Variants in MYH7B observed in about 807,000 individuals in gnomAD.
MYH7B encodes the protein myosin-7B.
In MYH7B, 205 loss-of-function variants were observed where a neutral mutation model predicts 234.5. The observed-to-expected ratio is 0.87, with a 90% confidence interval of 0.78 to 0.98. The LOEUF (loss-of-function observed/expected upper bound fraction) is 0.98, where lower values mean the gene tolerates loss of function less well. Among genes scored for constraint, MYH7B ranks in the 50% least tolerant of loss-of-function variants. The probability of loss-of-function intolerance (pLI) is 0.00; values close to 1 mark genes in which losing one functional copy is unlikely to be tolerated. For synonymous variants in MYH7B, 1,193 were observed against 1,105.0 expected (o/e 1.08, Z -1.58); for missense variants, 2,652 against 2,633.4 (o/e 1.01, Z -0.15).
chr20:34,996,467 A>G (rs1450422686), exon 29 of MYH7B: 1 of 1,612,944 alleles, frequency 6.2e-7, no homozygotes, highest in Non-Finnish European at 8.5e-7. Flanking sequence ...GCCGAGGAGG[A>G]CCGTGTGAGC....
chr20:34,999,324 G>A (rs1180887752), exon 36 of MYH7B: 4 of 1,571,264 alleles, frequency 2.5e-6, no homozygotes, highest in Admixed American at 1.9e-5. Context: ...CCTGGGCACC[G>A]AGCTCTTCCG....
At chr20:35,001,746 G>A (rs1301962996) in intron 43 of MYH7B, among the ~76,000 whole-genome samples, 1 of 152,164 alleles carries the variant, frequency 6.6e-6, no homozygotes, top group African/African-American at 2.4e-5. Context: ...GCCTCTGAGG[G>A]GTGGGGCAGG....
chr20:34,958,110 C>T (rs2081658910), exon 2 of MYH7B, among the ~76,000 whole-genome samples: 1 of 152,182 alleles, frequency 6.6e-6, no homozygotes, highest in South Asian at 2.1e-4. Flanking sequence ...TCCCCTCTTC[C>T]AAGACGGGTG....
intron 38 of MYH7B, 79 bp from the exon 39 acceptor site, chr20:35,000,214 G>A (rs1569065323): frequency 1.6e-5 from 24 of 1,483,166 alleles, no homozygotes; most frequent in Middle Eastern, 1.8e-4. Flanking sequence ...AAATGGGTTC[G>A]TTTCCAACGG....
chr20:34,977,738 G>GGGGGGGGGGGGGGGGGGGGGGGGGGGT, intron 4 of MYH7B, 58 bp downstream of exon 4: 1 of 317,146 alleles, frequency 3.2e-6, no homozygotes, highest in South Asian at 2.1e-5. Context: ...GGGCGGGTGG[G>GGGGGGGGGGGGGGGGGGGGGGGGGGGT]TGAGGGTGCC....
chr20:34,996,359 C>T lies in MYH7B; in HGVS notation c.2957C>T (p.Thr986Met), dbSNP rs780035845. The T allele has an allele frequency of 3.6e-5, 58 of 1,594,496 alleles. No individual in the cohort carries two copies. The highest frequency in any genetic ancestry group is 1.4e-4 in the Admixed American group (8 of 56,488). ...GCCCTGGCACAGGTGAAGAACCTGA[C>T]GGAAGAGATGGCTGCGCTGGACGAG... Residue 986 changes from threonine (T) to methionine (M), a missense_variant, in exon 29 of 45, where the codon ACG becomes ATG. Physicochemically the swap from Thr to Met is moderately conservative, Grantham distance 81. Around this residue, in one of 3 missense-constraint regions of MYH7B, gnomAD observed 2,279 missense variants for 2,211.4 expected, o/e 1.03. Transcript: ENST00000262873.
chr20:35,000,460 C>A, exon 39 of MYH7B: 1 of 1,601,926 alleles, frequency 6.2e-7, no homozygotes, highest in Non-Finnish European at 8.5e-7. Context: ...CAGGCTGCCA[C>A]GCGGCTGATG....
chr20:34,998,828 T>C (rs1600472748), exon 35 of MYH7B: 4 of 1,613,216 alleles, frequency 2.5e-6, no homozygotes, highest in Non-Finnish European at 3.4e-6. Flanking sequence ...CAGCGGCTGC[T>C]GTCCAAGGCC....
chr20:34,961,186 A>T (rs1272416895), intron 2 of MYH7B, among the ~76,000 whole-genome samples: 1 of 152,108 alleles, frequency 6.6e-6, no homozygotes, highest in South Asian at 2.1e-4. Context: ...CTTGTTATAT[A>T]CTTATGTATC....
In MYH7B at chr20:34,998,422, G is replaced by C; in HGVS notation, c.3874+1G>C. The C allele has an allele frequency of 6.2e-7, 1 of 1,613,130 alleles. No homozygotes were observed. The highest frequency in any genetic ancestry group is 1.1e-5 in the South Asian group (1 of 91,064). ...CGTGGGCGACTACAGACGGAAAGCG[G>C]TGAGGCTGGGGCTCAGCTGGCCACA... On this transcript the variant is annotated splice_donor_variant, in intron 33 of 44. Coordinates refer to ENST00000262873, the Ensembl canonical transcript of MYH7B. LOFTEE classifies it high-confidence loss of function.
exon 29 of MYH7B, chr20:34,996,437 A>C: frequency 6.2e-7 from 1 of 1,613,484 alleles, no homozygotes; most frequent in Non-Finnish European, 8.5e-7. Context: ...GCCCACCAAC[A>C]GGCCCTGGGT....
exon 37 of MYH7B, chr20:34,999,581 C>T (rs374202615): frequency 2.1e-5 from 33 of 1,607,810 alleles, no homozygotes; most frequent in Non-Finnish European, 2.3e-5. Flanking sequence ...AGGAGATCAG[C>T]GACCTCACAG....
At chr20:34,998,096 C>A (rs951439587) in intron 32 of MYH7B, among the ~76,000 whole-genome samples, 199 bp from the exon 33 acceptor site, 1 of 152,206 alleles carries the variant, frequency 6.6e-6, no homozygotes, top group African/African-American at 2.4e-5. Flanking sequence ...GGGACTGGCC[C>A]AGCCCTGTCA....
In MYH7B at chr20:34,997,383, T is replaced by TC; in HGVS notation, c.3492dup (p.Ala1165ArgfsTer66). On this transcript the variant is annotated frameshift_variant, in exon 32 of 45. Transcript: ENST00000262873. LOFTEE classifies it high-confidence loss of function. The stretch of plus-strand genomic sequence containing the variant: ...GCGGCTGGAGGAGGCAGGCGGCGCA[T>TC]CCGCGGGGCAGCGCGAGGGCTGCCG... 6.6e-7 allele frequency: 1 copy of TC among 1,516,476 alleles called. No homozygotes were observed. Among genetic ancestry groups the TC allele is most frequent in the East Asian group, 2.5e-5 (1 of 40,334 alleles). 93.9% of individuals were successfully genotyped at this position (1,516,476 alleles called of 1,614,324 possible). A position where few individuals can be genotyped will look rare whatever the true frequency, so the allele number is the denominator to read the frequency against.
rs2082038851 is a variant in MYH7B, at chr20:34,986,995, A to C, written c.1008+6A>C. On this transcript the variant is annotated splice_donor_region_variant and intron_variant, in intron 15 of 44. Coordinates refer to ENST00000262873, the Ensembl canonical transcript of MYH7B. ...AGGAGCTCATCGCCACCGACGTATG[A>C]GCTCTGGTGGGAGGGGAGCTGTGTG... The C allele has an allele frequency of 6.2e-7, 1 of 1,612,842 alleles. No individual in the cohort carries two copies. Among genetic ancestry groups the C allele is most frequent in the Non-Finnish European group, 8.5e-7 (1 of 1,179,308 alleles).
chr20:34,997,464 C>A, exon 32 of MYH7B: 1 of 1,502,002 alleles, frequency 6.7e-7, no homozygotes, highest in South Asian at 1.3e-5. Flanking sequence ...GGCGGCGCTG[C>A]GGCACGAGGC....
At chr20:34,971,488 A>G (rs1331527949) in intron 2 of MYH7B, among the ~76,000 whole-genome samples, 5 of 146,550 alleles carry the variant, frequency 3.4e-5, no homozygotes, top group East Asian at 2.0e-4. Flanking sequence ...CCCTCGTCCT[A>G]TTTTTTGCTT....
chr20:34,987,541 ACTCGTGCC>A lies in MYH7B; in HGVS notation c.1148-13_1148-6del, dbSNP rs762855466. ...TGGTGGTGTCCTCCTCCCTTACCCC[ACTCGTGCC>A]CTGCCAGGTGCTGACAAGGCTGCCT... On this transcript the variant is annotated splice_polypyrimidine_tract_variant and splice_region_variant and intron_variant, in intron 16 of 44. Transcript: ENST00000262873. The A allele has an allele frequency of 7.6e-7, 1 of 1,317,474 alleles. No homozygotes were observed. Among genetic ancestry groups the A allele is most frequent in the Non-Finnish European group, 1.0e-6 (1 of 972,832 alleles). 81.6% of individuals were successfully genotyped at this position (1,317,474 alleles called of 1,614,324 possible).
chr20:34,998,380 C>T lies in MYH7B; in HGVS notation c.3833C>T (p.Ala1278Val), dbSNP rs374373234. 46 of 1,613,476 alleles carry T rather than the reference C, an allele frequency of 2.9e-5. No homozygotes were observed. The highest frequency in any genetic ancestry group is 4.0e-5 in the African/African-American group (3 of 74,938). Residue 1278 changes from alanine to valine, a missense_variant, in exon 33 of 45, where the codon GCG becomes GTG. Ala to Val is a moderately conservative substitution (Grantham distance 64). Transcript: ENST00000262873. ...GTGGAGGAGCTGCAGCGGCAGCTGG[C>T]GGACGCAAGCACGCAGCGTGGGCGA... is the stretch of plus-strand genomic sequence containing the variant.
Sources: allele counts gnomAD v4.1 joint callset (sites outside exome capture counted in the v4.1 genomes callset), GRCh38; gene constraint gnomAD v4.1.1; regional missense constraint gnomAD v4.1.1; transcripts MANE v1.5; gene names NCBI Gene and HGNC (gene_info 2026-07-23, HGNC 2026-07-21).